Variants in MAGI2 observed in about 807,000 individuals in gnomAD.
The protein encoded by MAGI2 is membrane-associated guanylate kinase, WW and PDZ domain-containing protein 2.
In MAGI2, 35 loss-of-function variants were observed where a neutral mutation model predicts 133.3. The observed-to-expected ratio is 0.26, with a 90% CI of 0.20 to 0.35. MAGI2 has a LOEUF of 0.35. Ranked by LOEUF, MAGI2 falls within the 10% of genes least tolerant of loss-of-function variation. MAGI2 has a pLI of 1.00. For synonymous variants in MAGI2, 729 were observed against 710.6 expected (o/e 1.03, Z -0.41); for missense variants, 1,636 against 1,863.4 (o/e 0.88, Z 2.25).
chr7:79,081,628 G>T (rs1258653232), intron 1 of MAGI2, among the ~76,000 whole-genome samples: 1 of 152,110 alleles, frequency 6.6e-6, no homozygotes, highest in African/African-American at 2.4e-5. Context: ...TCTTGGATAT[G>T]AACTGTTAAG....
At chr7:78,210,092 T>C (rs1041793569) in intron 10 of MAGI2, among the ~76,000 whole-genome samples, 2 of 152,208 alleles carry the variant, frequency 1.3e-5, no homozygotes, top group Non-Finnish European at 2.9e-5. Flanking sequence ...TATGGTTCTA[T>C]TTGTAATTAT....
chr7:79,167,798 C>A (rs1825093520), intron 1 of MAGI2, among the ~76,000 whole-genome samples: 1 of 152,066 alleles, frequency 6.6e-6, no homozygotes, highest in South Asian at 2.1e-4. Context: ...AAAATCTGGC[C>A]ATAAACTGGC....
intron 6 of MAGI2, among the ~76,000 whole-genome samples, chr7:78,466,790 T>C (rs925038197): frequency 1.3e-5 from 2 of 152,090 alleles, no homozygotes; most frequent in Admixed American, 6.5e-5. Flanking sequence ...GATCATGGCA[T>C]AGGGTTGCGT....
rs578090952 is a variant in MAGI2 at position 78,371,339 on chromosome 7, AATTT to A, written c.1046-2130_1046-2127del. 4.9e-3 allele frequency among the ~76,000 whole-genome samples: 752 copies of A among 152,052 alleles called. 5 individuals carry two copies. Among genetic ancestry groups the A allele is most frequent in the African/African-American group, 0.017 (716 of 41,558 alleles). On this transcript the variant is annotated intron_variant, in intron 6 of 21. Coordinates refer to ENST00000354212, the MANE Select transcript of MAGI2 (RefSeq NM_012301.4). ...ATTAATATTATGGATATTTATTATT[AATTT>A]ATTAATATGGTTCGATACATGGATA... is the stretch of plus-strand genomic sequence containing the variant.
intron 1 of MAGI2, among the ~76,000 whole-genome samples, chr7:79,382,786 G>A (rs924519838): frequency 3.0e-4 from 45 of 151,580 alleles, no homozygotes; most frequent in African/African-American, 1.0e-3. Context: ...TGCAATGCAT[G>A]AGTGTAGAAC....
At chr7:78,935,358 G>C (rs1457947865) in intron 2 of MAGI2, among the ~76,000 whole-genome samples, 2 of 152,068 alleles carry the variant, frequency 1.3e-5, no homozygotes, top group Non-Finnish European at 2.9e-5. Flanking sequence ...ATTAGATTCA[G>C]TGATGGCAGA....
chr7:78,066,507 T>C (rs1813843320), intron 21 of MAGI2, among the ~76,000 whole-genome samples: 1 of 150,936 alleles, frequency 6.6e-6, no homozygotes, highest in Admixed American at 6.6e-5. Context: ...TATAATTGCT[T>C]TCTGGAAGAA....
intron 2 of MAGI2, among the ~76,000 whole-genome samples, chr7:78,934,062 T>C (rs916284196): frequency 2.6e-5 from 4 of 152,162 alleles, no homozygotes; most frequent in African/African-American, 9.6e-5. Context: ...GCAGGTTTTC[T>C]ACTAATGATA....
At chr7:78,399,969 C>G (rs182792573) in intron 6 of MAGI2, among the ~76,000 whole-genome samples, 1 of 151,934 alleles carries the variant, frequency 6.6e-6, no homozygotes, top group African/African-American at 2.4e-5. Flanking sequence ...CAAAACAAAA[C>G]CAAAAAACCA....
At chr7:78,591,026 C>T (rs1040103367) in intron 3 of MAGI2, among the ~76,000 whole-genome samples, 8 of 152,092 alleles carry the variant, frequency 5.3e-5, no homozygotes, top group Non-Finnish European at 1.0e-4. Context: ...TAATTTATTC[C>T]TTTGACAAAT....
intron 2 of MAGI2, among the ~76,000 whole-genome samples, chr7:78,877,309 C>T (rs931796287): frequency 1.3e-5 from 2 of 152,046 alleles, no homozygotes; most frequent in Admixed American, 6.6e-5. Flanking sequence ...GTCTGGTAAC[C>T]GAATGGTTAC....
At chr7:78,386,085 C>T (rs1795363123) in intron 6 of MAGI2, among the ~76,000 whole-genome samples, 1 of 152,078 alleles carries the variant, frequency 6.6e-6, no homozygotes, top group South Asian at 2.1e-4. Flanking sequence ...TCAGCTCTGT[C>T]CCACCTCTGC....
intron 6 of MAGI2, among the ~76,000 whole-genome samples, chr7:78,458,250 C>T (rs965282415): frequency 6.9e-6 from 1 of 145,350 alleles, no homozygotes; most frequent in Non-Finnish European, 1.5e-5. Flanking sequence ...GAGCTGAGAT[C>T]ATGCCACTGC....
chr7:79,453,492 A>G lies in MAGI2; in HGVS notation c.-172T>C. On this transcript the variant is annotated 5_prime_UTR_variant, in exon 1 of 22. Coordinates refer to ENST00000354212, the MANE Select transcript of MAGI2 (RefSeq NM_012301.4). The stretch of plus-strand genomic sequence containing the variant: ...TCTTTGGATGGAGTGTGGACGAGGA[A>G]TGGGGAGGATGAGAGGGACGGCTGG... 1 of 1,419,812 alleles carries G rather than the reference A, an allele frequency of 7.0e-7. No homozygotes were observed. The highest frequency in any genetic ancestry group is 9.2e-7 in the Non-Finnish European group (1 of 1,092,754). 88.0% of individuals were successfully genotyped at this position (1,419,812 alleles called of 1,614,324 possible).
At chr7:78,806,102 AAAGTC>A in intron 2 of MAGI2, among the ~76,000 whole-genome samples, 1 of 152,336 alleles carries the variant, frequency 6.6e-6, no homozygotes, top group Non-Finnish European at 1.5e-5. Flanking sequence ...CTTGTTGGAT[AAAGTC>A]AATAGTACAC....
chr7:78,277,939 G>C (rs1795209401), intron 9 of MAGI2, among the ~76,000 whole-genome samples: 1 of 152,010 alleles, frequency 6.6e-6, no homozygotes, highest in Non-Finnish European at 1.5e-5. Context: ...AGGAGGAATT[G>C]GGAAAGAGAA....
At chr7:79,040,500 GATACAAAA>G (rs142513930) in intron 1 of MAGI2, among the ~76,000 whole-genome samples, 2,599 of 152,230 alleles carry the variant, frequency 0.017, 99 homozygotes, top group East Asian at 0.16. Flanking sequence ...TCAGTTAATG[GATACAAAA>G]ATACAGTTAG....
intron 1 of MAGI2, among the ~76,000 whole-genome samples, chr7:79,449,902 T>C (rs1849125864): frequency 2.2e-5 from 2 of 92,378 alleles, no homozygotes; most frequent in Admixed American, 2.1e-4. Flanking sequence ...ATATATAATG[T>C]CTTAAAATCC....
intron 1 of MAGI2, among the ~76,000 whole-genome samples, chr7:79,117,152 T>A (rs143010231): frequency 9.5e-4 from 145 of 152,300 alleles, no homozygotes; most frequent in African/African-American, 3.4e-3. Context: ...CCTTAATTGC[T>A]TCTATCTTAG....
Sources: allele counts gnomAD v4.1 joint callset (sites outside exome capture counted in the v4.1 genomes callset), GRCh38; gene constraint gnomAD v4.1.1; transcripts MANE v1.5; gene names NCBI Gene and HGNC (gene_info 2026-07-23, HGNC 2026-07-21).